The following SLC25A22 variants were observed in gnomAD, a reference collection of about 807,000 sequenced individuals.
SLC25A22 encodes the protein mitochondrial glutamate carrier 1.
SLC25A22 carries 23 observed loss-of-function variants against 33.7 expected under a neutral mutation model. That is an observed-to-expected ratio of 0.68 (90% CI 0.49 to 0.97). The LOEUF (loss-of-function observed/expected upper bound fraction) is 0.97. Among genes scored for constraint, SLC25A22 ranks in the 50% least tolerant of loss-of-function variants. SLC25A22 has a pLI of 0.00. For synonymous variants in SLC25A22, 245 were observed against 203.8 expected (o/e 1.20, Z -1.72); for missense variants, 390 against 451.1 (o/e 0.86, Z 1.23).
Position 792,692 on chromosome 11 carries a change from G to C in SLC25A22, c.448C>G (p.Leu150Val), listed in dbSNP as rs111277421. The C allele has an allele frequency of 0.074, 115,537 of 1,553,550 alleles. 4,773 individuals are homozygous for C. The highest frequency in any genetic ancestry group is 0.087 in the Non-Finnish European group (99,821 of 1,152,876). Residue 150 changes from leucine (L) to valine (V), a missense_variant, in exon 7 of 10, where the codon CTC becomes GTC. Coordinates refer to ENST00000628067, the MANE Select transcript of SLC25A22 (RefSeq NM_001191061.2). ...QRKILAAQGQLSAQGGAQPSV... is the reference protein window; with the variant it reads ...QRKILAAQGQVSAQGGAQPSV... ...GGCTGGGCACCCCCCTGGGCCGAGA[G>C]CTGGCCCTGGGCAGCCAGGATCTTC...
At position 792,288 on chromosome 11, in the gene SLC25A22, C is replaced by T. The variant is rs1480885232; in HGVS notation, c.742+16G>A. The T allele has an allele frequency of 2.5e-6, 4 of 1,613,158 alleles. No individual in the cohort carries two copies. In the South Asian group the frequency reaches 3.3e-5, roughly 13 times the overall value. On this transcript the variant is annotated intron_variant, in intron 8 of 9. Transcript: ENST00000628067. ...TCCCGCCCCATCCCCAGCCGGGCGC[C>T]ATCCCATGCACTGACCATCACAGGG...
At chr11:797,110 C>T (rs532287202) in intron 1 of SLC25A22, among the ~76,000 whole-genome samples, 1 of 152,308 alleles carries the variant, frequency 6.6e-6, no homozygotes, top group Non-Finnish European at 1.5e-5. Context: ...GATGAGGACA[C>T]CTGCATGATA....
intron 1 of SLC25A22, chr11:797,821 C>T (rs1864917589): frequency 5.0e-6 from 2 of 398,708 alleles, no homozygotes; most frequent in South Asian, 2.5e-4. Context: ...CGGCTCAGGC[C>T]CCTGCCCTAC....
rs1864737019 is a variant in SLC25A22 at position 795,131 on chromosome 11, C to A, written c.-125G>T. 2 of 1,232,734 alleles carry A rather than the reference C, an allele frequency of 1.6e-6. No individual in the cohort carries two copies. Among genetic ancestry groups the A allele is most frequent in the Admixed American group, 3.9e-5 (2 of 50,638 alleles). The allele number at this position is 1,232,734 out of a possible 1,614,324, so 76.4% of individuals were successfully genotyped here. On this transcript the variant is annotated 5_prime_UTR_variant, in exon 2 of 10. Coordinates refer to ENST00000628067, the MANE Select transcript of SLC25A22 (RefSeq NM_001191061.2). ...GGGGGGTTGGGTGGTGCTCCACCTT[C>A]AGGGGAATTTCCAGGCGTCAGCAAC... is the stretch of plus-strand genomic sequence containing the variant.
chr11:793,531 G>A lies in SLC25A22; in HGVS notation c.291C>T (p.Asp97=), dbSNP rs965558396. 16 of 1,613,440 alleles carry A rather than the reference G, an allele frequency of 9.9e-6. No individual in the cohort carries two copies. In the East Asian group the frequency reaches 1.1e-4, roughly 11 times the overall value. ...NDFFRHQLSK[D]GQKLTLLKEM... ...TGTCTGCCAGGCAGAACCCTCACCC[G>A]TCCTTAGAGAGCTGATGTCGGAAGA... Residue 97 remains aspartate, a splice_region_variant and synonymous_variant, in exon 5 of 10, where the codon GAC becomes GAT. Transcript: ENST00000628067.
intron 1 of SLC25A22, chr11:795,826 C>T (rs1864796670): frequency 1.3e-5 from 2 of 155,218 alleles, no homozygotes; most frequent in African/African-American, 2.4e-5. Flanking sequence ...CCCTGGAAGC[C>T]TTGGGGGTGG....
In SLC25A22 at chr11:791,570, T is replaced by G; in HGVS notation, c.*345A>C. The stretch of plus-strand genomic sequence containing the variant: ...GAGACTGGAGCTGGTGGACTGGGGG[T>G]ATGGTCCAGCCTGCCCGGCCCAGGC... On this transcript the variant is annotated 3_prime_UTR_variant, in exon 10 of 10. Coordinates refer to ENST00000628067, the MANE Select transcript of SLC25A22 (RefSeq NM_001191061.2). 1.1e-5 allele frequency: 4 copies of G among 358,724 alleles called. No homozygotes were observed. Among genetic ancestry groups the G allele is most frequent in the South Asian group, 3.1e-5 (1 of 32,564 alleles). The allele number at this position is 358,724 out of a possible 1,614,324, so 22.2% of individuals were successfully genotyped here. A position where few individuals can be genotyped will look rare whatever the true frequency, so the allele number is the denominator to read the frequency against.
chr11:796,951 T>C (rs1331029205), intron 1 of SLC25A22, among the ~76,000 whole-genome samples: 1 of 145,126 alleles, frequency 6.9e-6, no homozygotes, highest in Non-Finnish European at 1.5e-5. Context: ...CCCCCACCCC[T>C]GCCGCCCCAC....
intron 1 of SLC25A22, 193 bp from the exon 2 acceptor site, chr11:795,362 T>C: frequency 2.8e-6 from 1 of 359,442 alleles, no homozygotes; most frequent in Admixed American, 4.9e-5. Flanking sequence ...CTGGCTTCCT[T>C]TCAGTCCCCC....
At chr11:796,525 C>T (rs904363673) in intron 1 of SLC25A22, among the ~76,000 whole-genome samples, 2 of 152,132 alleles carry the variant, frequency 1.3e-5, no homozygotes, top group African/African-American at 4.8e-5. Flanking sequence ...CATTTCCTGG[C>T]CTGGATCTGT....
rs587781170 is a variant in SLC25A22 at position 791,954 on chromosome 11, C to T, written c.933G>A (p.Ala311=). The change falls in exon 10 of 10, where the codon GCG becomes GCA. Residue 311 remains alanine (A), a synonymous_variant. Coordinates refer to ENST00000628067, the MANE Select transcript of SLC25A22 (RefSeq NM_001191061.2). Reference sequence around the variant, plus strand: ...CCTGCAGCAGCCCCAGCAGGGACTCCGCGATGCCCAGGAAGTAGACCACCT... The same window carrying T: ...CCTGCAGCAGCCCCAGCAGGGACTCTGCGATGCCCAGGAAGTAGACCACCT... The part of the protein sequence containing the change: ...IAQVVYFLGI[A]ESLLGLLQDP... 6.3e-5 allele frequency: 101 copies of T among 1,605,362 alleles called. No homozygotes were observed. The highest frequency in any genetic ancestry group is 3.6e-4 in the South Asian group (33 of 90,858).
chr11:797,908 G>C (rs1238397934), intron 1 of SLC25A22: 3 of 398,376 alleles, frequency 7.5e-6, no homozygotes, highest in South Asian at 2.5e-4. Flanking sequence ...ACAGATGTCC[G>C]GTGAACTCCC....
intron 1 of SLC25A22, chr11:795,608 G>C: frequency 4.6e-6 from 1 of 216,458 alleles, no homozygotes; most frequent in Non-Finnish European, 9.5e-6. Context: ...CGAGCTAGGG[G>C]CTGGGGTCCC....
chr11:795,036 C>T lies in SLC25A22; in HGVS notation c.-30G>A, dbSNP rs1251184973. On this transcript the variant is annotated 5_prime_UTR_variant, in exon 2 of 10. Transcript: ENST00000628067. ...CTCGATTGCACCCAGGTAGGAGCCG[C>T]AGAGGTGGACGCCAGGCCAGGCGGG... 6.4e-7 allele frequency: 1 copy of T among 1,551,690 alleles called. No individual in the cohort carries two copies. Among genetic ancestry groups the T allele is most frequent in the African/African-American group, 1.4e-5 (1 of 72,822 alleles).
In SLC25A22 at chr11:795,089, A is replaced by C; in HGVS notation, c.-83T>G. 3 of 856,030 alleles carry C rather than the reference A, an allele frequency of 3.5e-6. No homozygotes were observed. The highest frequency in any genetic ancestry group is 5.2e-6 in the Non-Finnish European group (3 of 578,678). The allele number at this position is 856,030 out of a possible 1,614,324, so 53.0% of individuals were successfully genotyped here. Reference sequence around the variant, plus strand: ...GGAGGTGGAGGTGGAGGAGGCCTTGAGGGAGGGTGGGACCCAGGGGGGTTG... The same window carrying C: ...GGAGGTGGAGGTGGAGGAGGCCTTGCGGGAGGGTGGGACCCAGGGGGGTTG... On this transcript the variant is annotated 5_prime_UTR_variant, in exon 2 of 10. Transcript: ENST00000628067.
rs752934476 is a variant in SLC25A22 at position 793,481 on chromosome 11, T to C, written c.293+48A>G. On this transcript the variant is annotated intron_variant, in intron 5 of 9. Coordinates refer to ENST00000628067, the MANE Select transcript of SLC25A22 (RefSeq NM_001191061.2). ...CAGCTGGCAGGGTGGACCCATCCTTTATCTGAAGCCAAAGACCCCTCGAGT... is the reference window on the plus strand; with the variant it reads ...CAGCTGGCAGGGTGGACCCATCCTTCATCTGAAGCCAAAGACCCCTCGAGT... 14 of 1,585,176 alleles carry C rather than the reference T, an allele frequency of 8.8e-6. No individual in the cohort carries two copies. In the Middle Eastern group the frequency reaches 5.0e-4, roughly 56 times the overall value.
At chr11:793,011 G>T (rs1232638713) in intron 5 of SLC25A22, 23 bp from the exon 6 acceptor site, 3 of 1,608,796 alleles carry the variant, frequency 1.9e-6, no homozygotes, top group Non-Finnish European at 2.5e-6. Context: ...CGGGGCCGCA[G>T]TAAGTGGGAA....
chr11:797,799 G>A, intron 1 of SLC25A22: 2 of 398,654 alleles, frequency 5.0e-6, no homozygotes, highest in Non-Finnish European at 8.8e-6. Flanking sequence ...GCCGCTCTCT[G>A]CGCTCGGAGG....
rs1864692801 is a variant in SLC25A22 at position 794,523 on chromosome 11, A to AGGGGACAGGG, written c.147-20_147-11dup. 6.2e-7 allele frequency: 1 copy of AGGGGACAGGG among 1,611,774 alleles called. No individual in the cohort carries two copies. The highest frequency in any genetic ancestry group is 1.3e-5 in the African/African-American group (1 of 74,894). On this transcript the variant is annotated splice_polypyrimidine_tract_variant and intron_variant, in intron 3 of 9. Transcript: ENST00000628067. ...GATGAGGCAGTCGGACCTGTGGCCAAGGGGACAGGGTGAGCCAGGGCCAGC... is the reference window on the plus strand; with the variant it reads ...GATGAGGCAGTCGGACCTGTGGCCAAGGGGACAGGGGGGGACAGGGTGAGCCAGGGCCAGC...
Sources: gnomAD v4.1 joint callset for allele counts (sites outside exome capture counted in the v4.1 genomes callset) on GRCh38, gnomAD v4.1.1 for gene constraint, MANE v1.5 for transcripts, NCBI Gene and HGNC (gene_info 2026-07-23, HGNC 2026-07-21) for gene names.